Variants in DYNC1I1 observed in about 807,000 individuals in gnomAD.
DYNC1I1 encodes cytoplasmic dynein 1 intermediate chain 1.
DYNC1I1 carries 43 observed loss-of-function variants against 86.6 expected under a neutral mutation model. The ratio of observed to expected loss-of-function variants is 0.50; its 90% CI spans 0.39 to 0.64. DYNC1I1 has a LOEUF of 0.64. DYNC1I1 is among the 30% of genes least tolerant of loss of function. DYNC1I1 has a pLI of 0.00. For missense variants in DYNC1I1, 604 were observed against 788.8 expected (o/e 0.77, Z 2.81); for synonymous variants, 262 against 283.7 (o/e 0.92, Z 0.77).
rs1794873682 is a variant in DYNC1I1 at position 95,813,344 on chromosome 7, A to C, written c.314+7A>C. 4 of 1,608,568 alleles carry C rather than the reference A, an allele frequency of 2.5e-6. No homozygotes were observed. The highest frequency in any genetic ancestry group is 1.4e-5 in the African/African-American group (1 of 73,984). ...ATCTGGGGCCATTAACAAGGTAAGAATTGTCCCTTTAAAAGGCCATGATGG... is the reference window on the plus strand; with the variant it reads ...ATCTGGGGCCATTAACAAGGTAAGACTTGTCCCTTTAAAAGGCCATGATGG... On this transcript the variant is annotated splice_region_variant and intron_variant, in intron 4 of 16. Coordinates refer to ENST00000447467, the MANE Select transcript of DYNC1I1 (RefSeq NM_001135556.2).
chr7:96,053,905 ATTC>A (rs1437793924), intron 14 of DYNC1I1, among the ~76,000 whole-genome samples: 1 of 152,250 alleles, frequency 6.6e-6, no homozygotes, highest in Non-Finnish European at 1.5e-5. Context: ...GATTATTCTC[ATTC>A]TTCTGGTACT....
intron 6 of DYNC1I1, among the ~76,000 whole-genome samples, chr7:95,939,478 C>T (rs1792140131): frequency 6.6e-6 from 1 of 151,992 alleles, no homozygotes. Flanking sequence ...AATCTGGGTG[C>T]TCCTGTATTG....
At chr7:96,002,309 A>G (rs992352448) in intron 10 of DYNC1I1, among the ~76,000 whole-genome samples, 2 of 152,224 alleles carry the variant, frequency 1.3e-5, no homozygotes, top group African/African-American at 4.8e-5. Context: ...GGAAACTGAG[A>G]CAATTCCAAA....
chr7:96,049,773 T>C (rs1441672216), intron 14 of DYNC1I1, among the ~76,000 whole-genome samples: 1 of 152,152 alleles, frequency 6.6e-6, no homozygotes, highest in Admixed American at 6.5e-5. Context: ...GGCTCACACC[T>C]GTAATCCCAG....
intron 6 of DYNC1I1, among the ~76,000 whole-genome samples, chr7:95,944,955 A>G (rs932921252): frequency 1.3e-5 from 2 of 151,882 alleles, no homozygotes; most frequent in African/African-American, 4.8e-5. Flanking sequence ...GCACACCAGC[A>G]TGGCACATGT....
chr7:95,789,660 C>T (rs1158530193), intron 1 of DYNC1I1, among the ~76,000 whole-genome samples: 14 of 152,158 alleles, frequency 9.2e-5, no homozygotes, highest in Admixed American at 9.2e-4. Context: ...CCTGGTAAGT[C>T]TCCTGTGGTA....
At chr7:96,048,408 G>A (rs1789285058) in intron 14 of DYNC1I1, among the ~76,000 whole-genome samples, 1 of 152,082 alleles carries the variant, frequency 6.6e-6, no homozygotes, top group South Asian at 2.1e-4. Flanking sequence ...ATTCTTCCAA[G>A]CCAGTGTTCT....
chr7:95,996,042 A>C lies in DYNC1I1; in HGVS notation c.938A>C (p.Lys313Thr). 1 of 1,614,032 alleles carries C rather than the reference A, an allele frequency of 6.2e-7. No individual in the cohort carries two copies. ...TTGGTTTGGAACATGAAGTTTAAGAAAACCACACCAGAATACGTCTTCCAC... is the reference window on the plus strand; with the variant it reads ...TTGGTTTGGAACATGAAGTTTAAGACAACCACACCAGAATACGTCTTCCAC... ...VALVWNMKFKKTTPEYVFHCQ... is the reference protein window; with the variant it reads ...VALVWNMKFKTTTPEYVFHCQ... The change falls in exon 10 of 17, where the codon AAA (lysine) becomes ACA (threonine). Residue 313 changes from lysine (K) to threonine (T), a missense_variant. Transcript: ENST00000447467.
rs1253251297 is a variant in DYNC1I1, at chr7:95,932,990, C to T, written c.491-44522C>T. Among the ~76,000 whole-genome samples the T allele has an allele frequency of 2.0e-5, 3 of 150,918 alleles. No homozygotes were observed. In the East Asian group the frequency reaches 5.9e-4, roughly 29 times the overall value. ...TGAATTCCTGGGCTCAAGTGATCCT[C>T]CTGCCTCAGCTTCCTGAGTGTCTGG... On this transcript the variant is annotated intron_variant, in intron 6 of 16. Coordinates refer to ENST00000447467, the MANE Select transcript of DYNC1I1 (RefSeq NM_001135556.2).
chr7:95,948,709 C>T (rs1344566593), intron 6 of DYNC1I1, among the ~76,000 whole-genome samples: 1 of 152,102 alleles, frequency 6.6e-6, no homozygotes, highest in East Asian at 1.9e-4. Flanking sequence ...ACCTAGTTCC[C>T]CCAACAACTC....
intron 1 of DYNC1I1, among the ~76,000 whole-genome samples, chr7:95,799,173 T>C (rs367823307): frequency 2.6e-5 from 4 of 151,074 alleles, no homozygotes; most frequent in African/African-American, 9.7e-5. Context: ...AGGTCAGGAG[T>C]TCAAGACCAG....
intron 6 of DYNC1I1, among the ~76,000 whole-genome samples, chr7:95,917,776 G>C (rs1364769732): frequency 6.6e-6 from 1 of 152,202 alleles, no homozygotes; most frequent in Non-Finnish European, 1.5e-5. Flanking sequence ...GGCACTCGCC[G>C]TCCTTCATAG....
At chr7:96,034,018 A>C (rs890863075) in intron 12 of DYNC1I1, among the ~76,000 whole-genome samples, 1 of 151,882 alleles carries the variant, frequency 6.6e-6, no homozygotes, top group Non-Finnish European at 1.5e-5. Flanking sequence ...TCTTGAAAAA[A>C]ATAATTATTA....
chr7:95,777,016 A>G (rs931982036), intron 1 of DYNC1I1, among the ~76,000 whole-genome samples: 4 of 152,224 alleles, frequency 2.6e-5, no homozygotes, highest in Non-Finnish European at 5.9e-5. Context: ...GCCTGATTCC[A>G]AAGTCTGTTT....
chr7:95,821,838 C>A (rs1329926131), intron 4 of DYNC1I1, among the ~76,000 whole-genome samples: 1 of 152,094 alleles, frequency 6.6e-6, no homozygotes, highest in East Asian at 1.9e-4. Flanking sequence ...TAAATGCTAC[C>A]AACAGTGTAT....
chr7:95,996,021 T>C lies in DYNC1I1; in HGVS notation c.917T>C (p.Val306Ala), dbSNP rs755660076. Residue 306 changes from valine (V) to alanine (A), a missense_variant, in exon 10 of 17, where the codon GTT (valine) becomes GCT (alanine). Val to Ala is a moderately conservative substitution (Grantham distance 64, BLOSUM62 0). Coordinates refer to ENST00000447467, the MANE Select transcript of DYNC1I1 (RefSeq NM_001135556.2). ...APHEPDGVAL[V>A]WNMKFKKTTP... ...CATGAACCAGATGGAGTGGCCTTGG[T>C]TTGGAACATGAAGTTTAAGAAAACC... is the stretch of plus-strand genomic sequence containing the variant. 2.5e-6 allele frequency: 4 copies of C among 1,613,856 alleles called. No individual in the cohort carries two copies. The South Asian group carries it at 4.4e-5, about 18-fold the overall frequency.
intron 6 of DYNC1I1, among the ~76,000 whole-genome samples, chr7:95,936,956 T>TCTCACACACACACACACACACACACACA (rs750834189): frequency 7.4e-6 from 1 of 134,286 alleles, no homozygotes; most frequent in Non-Finnish European, 1.6e-5. Flanking sequence ...AGAATATGTC[T>TCTCACACACACACACACACACACACACA]CACACACACA....
chr7:95,998,288 T>C (rs1361362084), intron 10 of DYNC1I1, among the ~76,000 whole-genome samples: 1 of 152,270 alleles, frequency 6.6e-6, no homozygotes, highest in African/African-American at 2.4e-5. Context: ...GGCTGCATTC[T>C]AAAAATGTGG....
intron 10 of DYNC1I1, among the ~76,000 whole-genome samples, 160 bp downstream of exon 10, chr7:95,996,233 A>G (rs528046087): frequency 6.6e-6 from 1 of 152,330 alleles, no homozygotes; most frequent in East Asian, 1.9e-4. Context: ...ATGTTTTGGG[A>G]AAGTGGCAAC....
Sources: gnomAD v4.1 joint callset for allele counts (sites outside exome capture counted in the v4.1 genomes callset) on GRCh38, gnomAD v4.1.1 for gene constraint, MANE v1.5 for transcripts, NCBI Gene and HGNC (gene_info 2026-07-23, HGNC 2026-07-21) for gene names.